Variants in EFEMP2 observed in about 807,000 individuals in gnomAD.
EFEMP2 encodes the protein EGF-like fibulin extracellular matrix protein 2, also known as EGF-containing fibulin-like extracellular matrix protein 2.
EFEMP2 carries 21 observed loss-of-function variants against 55.3 expected under a neutral mutation model. The ratio of observed to expected loss-of-function variants is 0.38; its 90% confidence interval spans 0.27 to 0.55. EFEMP2 has a LOEUF of 0.55. EFEMP2 is among the 20% of genes least tolerant of loss of function. EFEMP2 has a pLI of 0.77. For missense variants in EFEMP2, 513 were observed against 615.1 expected (o/e 0.83, Z 1.76); for synonymous variants, 275 against 242.3 (o/e 1.14, Z -1.25).
intron 10 of EFEMP2, 151 bp from the exon 11 acceptor site, chr11:65,867,230 C>A: frequency 1.2e-6 from 1 of 824,682 alleles, no homozygotes; most frequent in Non-Finnish European, 1.9e-6. Flanking sequence ...CTCTTTGACA[C>A]CCTCGATGTC....
intron 10 of EFEMP2, 137 bp from the exon 11 acceptor site, chr11:65,867,216 G>T: frequency 7.0e-6 from 7 of 996,386 alleles, no homozygotes; most frequent in Non-Finnish European, 1.1e-5. Flanking sequence ...AGCCTCTCAT[G>T]CAGCTCTTTG....
chr11:65,872,005 C>G lies in EFEMP2; in HGVS notation c.125G>C (p.Gly42Ala). Residue 42 changes from glycine (G) to alanine (A), a missense_variant, in exon 3 of 11, where the codon GGC becomes GCC. Gly to Ala is a moderately conservative substitution (Grantham distance 60). Transcript: ENST00000307998. ...EPDSYTECTD[G>A]YEWDPDSQHC... The stretch of plus-strand genomic sequence containing the variant: ...CTGGCTGTCTGGGTCCCACTCATAG[C>G]CATCTGTGCATTCCTGGAAGGGAAC... 6.4e-7 allele frequency: 1 copy of G among 1,551,662 alleles called. No homozygotes were observed.
Position 65,869,880 on chromosome 11 carries a change from T to C in EFEMP2, c.704A>G (p.His235Arg). 1.9e-6 allele frequency: 3 copies of C among 1,614,058 alleles called. No homozygotes were observed. The highest frequency in any genetic ancestry group is 2.2e-5 in the South Asian group (2 of 91,084). Reference protein sequence around the residue: ...LCRCHQGYELHRDGFSCSDID... With the variant: ...LCRCHQGYELRRDGFSCSDID... The stretch of plus-strand genomic sequence containing the variant: ...ACCACTGCAGGAGAAGCCATCCCGA[T>C]GCAGCTCATAGCCCTGGTGGCAGCG... Residue 235 changes from histidine (H) to arginine (R), a missense_variant, in exon 7 of 11, where the codon CAT becomes CGT. Transcript: ENST00000307998.
intron 5 of EFEMP2, 29 bp from the exon 6 acceptor site, chr11:65,870,266 GGAGGGCA>G (rs570696654): frequency 3.8e-6 from 6 of 1,594,358 alleles, no homozygotes; most frequent in South Asian, 2.2e-5. Flanking sequence ...GAAGGAGGGC[GGAGGGCA>G]GAGGGCAGAG....
rs2303384 is a variant in EFEMP2, at chr11:65,872,733, C to T, written c.-58G>A. ...CGCGGCTCTGGCGGCTCGGCTGGCT[C>T]GGGCAATGCCTGCGGGCAGACGGAC... On this transcript the variant is annotated 5_prime_UTR_variant, in exon 1 of 11. Coordinates refer to ENST00000307998, the MANE Select transcript of EFEMP2 (RefSeq NM_016938.5). 231,016 of 346,672 alleles carry T rather than the reference C, an allele frequency of 0.67. 78,680 individuals carry two copies. Among genetic ancestry groups the T allele is most frequent in the South Asian group, 0.82 (41,370 of 50,628 alleles). The allele number at this position is 346,672 out of a possible 1,614,324, so 21.5% of individuals were successfully genotyped here. A position where few individuals can be genotyped will look rare whatever the true frequency, so the allele number is the denominator to read the frequency against.
intron 7 of EFEMP2, chr11:65,869,642 G>C: frequency 3.0e-6 from 2 of 659,190 alleles, no homozygotes; most frequent in South Asian, 1.7e-5. Context: ...AGTCTCACCA[G>C]TAGGCTTCAG....
rs759573856 is a variant in EFEMP2, at chr11:65,868,305, C to A, written c.964G>T (p.Val322Phe). The change falls in exon 9 of 11, where the codon GTC becomes TTC. Residue 322 changes from valine to phenylalanine, a missense_variant. Coordinates refer to ENST00000307998, the MANE Select transcript of EFEMP2 (RefSeq NM_016938.5). ...ATCGAATTGACTCACTTCTCAGAGA[C>A]CTGGATGTAGGGCTCCACGCAGCGG... is the stretch of plus-strand genomic sequence containing the variant. ...TNRCVEPYIQ[V>F]SENRCLCPAS... 1 of 1,613,730 alleles carries A rather than the reference C, an allele frequency of 6.2e-7. No individual in the cohort carries two copies. The highest frequency in any genetic ancestry group is 8.5e-7 in the Non-Finnish European group (1 of 1,180,026).
chr11:65,866,698 TG>T lies in EFEMP2; in HGVS notation c.*219del. The T allele has an allele frequency of 1.4e-6, 1 of 713,998 alleles. No individual in the cohort carries two copies. The highest frequency in any genetic ancestry group is 2.5e-6 in the Non-Finnish European group (1 of 395,292). The allele number at this position is 713,998 out of a possible 1,614,324, so 44.2% of individuals were successfully genotyped here. On this transcript the variant is annotated 3_prime_UTR_variant, in exon 11 of 11. Coordinates refer to ENST00000307998, the MANE Select transcript of EFEMP2 (RefSeq NM_016938.5). ...GTGCAGAGCTCCCAGCTCCTGTCAA[TG>T]GGGGCCCCTGGGCCTGAACATATAG...
chr11:65,868,282 C>G lies in EFEMP2; in HGVS notation c.974+13G>C, dbSNP rs1303048683. 3 of 1,613,450 alleles carry G rather than the reference C, an allele frequency of 1.9e-6. No individual in the cohort carries two copies. The East Asian group carries it at 6.7e-5, about 36-fold the overall frequency. ...CGTAGTTTCTGTGGGGGCCTGGCAT[C>G]GAATTGACTCACTTCTCAGAGACCT... On this transcript the variant is annotated intron_variant, in intron 9 of 10. Coordinates refer to ENST00000307998, the MANE Select transcript of EFEMP2 (RefSeq NM_016938.5).
intron 3 of EFEMP2, 192 bp from the exon 4 acceptor site, chr11:65,871,555 T>G: frequency 1.6e-6 from 1 of 627,198 alleles, no homozygotes; most frequent in Non-Finnish European, 2.8e-6. Flanking sequence ...GGGGCAGCTG[T>G]TCCCACTGTT....
chr11:65,868,202 A>T, intron 9 of EFEMP2, 93 bp downstream of exon 9: 1 of 1,587,686 alleles, frequency 6.3e-7, no homozygotes, highest in Non-Finnish European at 8.6e-7. Flanking sequence ...ATCATCCCTC[A>T]GGGGCACTCG....
Position 65,872,381 on chromosome 11 carries a change from G to A in EFEMP2, c.-7-20C>T, listed in dbSNP as rs1442405638. 6.6e-7 allele frequency: 1 copy of A among 1,509,040 alleles called. No homozygotes were observed. The highest frequency in any genetic ancestry group is 9.0e-7 in the Non-Finnish European group (1 of 1,109,856). The allele number at this position is 1,509,040 out of a possible 1,614,324, so 93.5% of individuals were successfully genotyped here. On this transcript the variant is annotated intron_variant, in intron 1 of 10. Transcript: ENST00000307998. The stretch of plus-strand genomic sequence containing the variant: ...CTGGGGCTGCGAGATGGTGGACACG[G>A]GTCAGGGGCCTCTGCCCGCGGCACC...
At chr11:65,867,471 C>T in intron 10 of EFEMP2, 2 of 427,380 alleles carry the variant, frequency 4.7e-6, no homozygotes, top group South Asian at 4.3e-5. Context: ...CTGCTGAGAC[C>T]CATGCATGCG....
rs78165274 is a variant in EFEMP2, at chr11:65,870,341, C to T, written c.491-104G>A. ...GCTTCACCACCCATAATCCTGTGTC[C>T]GAGGAGCTGAATTAGGCAGGGTCAG... On this transcript the variant is annotated intron_variant, in intron 5 of 10. Transcript: ENST00000307998. 1,153 of 1,429,538 alleles carry T rather than the reference C, an allele frequency of 8.1e-4. 14 individuals are homozygous for T. The East Asian group carries it at 0.016, about 20-fold the overall frequency. 88.6% of individuals were successfully genotyped at this position (1,429,538 alleles called of 1,614,324 possible).
Position 65,866,560 on chromosome 11 carries a change from G to A in EFEMP2, c.*358C>T. ...ACCCAGGGCCTCCTGGCGCTGTCCA[G>A]AGTGGAGTTTCTTAGGACCCCTGCA... On this transcript the variant is annotated 3_prime_UTR_variant, in exon 11 of 11. Transcript: ENST00000307998. 1.4e-6 allele frequency: 1 copy of A among 702,920 alleles called. No homozygotes were observed. The highest frequency in any genetic ancestry group is 1.5e-5 in the South Asian group (1 of 67,586). 43.5% of individuals were successfully genotyped at this position (702,920 alleles called of 1,614,324 possible). A position where few individuals can be genotyped will look rare whatever the true frequency, so the allele number is the denominator to read the frequency against.
intron 4 of EFEMP2, 26 bp downstream of exon 4, chr11:65,871,131 C>G: frequency 6.2e-7 from 1 of 1,613,494 alleles, no homozygotes; most frequent in Non-Finnish European, 8.5e-7. Context: ...GACTGGAAGC[C>G]AGGCACCAGA....
rs772435021 is a variant in EFEMP2 at position 65,866,653 on chromosome 11, C to A, written c.*265G>T. ...CCCTCCTCGTTACCTCCTCTCCTCT[C>A]GGGGTGACTGAAGCTCGTGGTGCAG... On this transcript the variant is annotated 3_prime_UTR_variant, in exon 11 of 11. Transcript: ENST00000307998. 7 of 703,774 alleles carry A rather than the reference C, an allele frequency of 9.9e-6. No homozygotes were observed. The South Asian group carries it at 1.0e-4, about 10-fold the overall frequency. 43.6% of individuals were successfully genotyped at this position (703,774 alleles called of 1,614,324 possible). A position where few individuals can be genotyped will look rare whatever the true frequency, so the allele number is the denominator to read the frequency against.
Position 65,871,496 on chromosome 11 carries a change from A to G in EFEMP2, c.161-133T>C, listed in dbSNP as rs1231538240. On this transcript the variant is annotated intron_variant, in intron 3 of 10. Transcript: ENST00000307998. Reference sequence around the variant, plus strand: ...GCCTTCCCACTCTGCTCAACAAGCTAAGTCTGCCTGCTCAGGACCCCTCCC... The same window carrying G: ...GCCTTCCCACTCTGCTCAACAAGCTGAGTCTGCCTGCTCAGGACCCCTCCC... 9.2e-6 allele frequency: 8 copies of G among 866,394 alleles called. No individual in the cohort carries two copies. In the African/African-American group the frequency reaches 1.3e-4, roughly 14 times the overall value. 53.7% of individuals were successfully genotyped at this position (866,394 alleles called of 1,614,324 possible). A position where few individuals can be genotyped will look rare whatever the true frequency, so the allele number is the denominator to read the frequency against.
intron 7 of EFEMP2, 100 bp from the exon 8 acceptor site, chr11:65,868,729 A>T: frequency 6.6e-7 from 1 of 1,520,194 alleles, no homozygotes; most frequent in Non-Finnish European, 9.0e-7. Context: ...GTTAGACTGA[A>T]TGTAGGAAGA....
Sources: allele counts gnomAD v4.1 joint callset, GRCh38; gene constraint gnomAD v4.1.1; transcripts MANE v1.5; gene names NCBI Gene and HGNC (gene_info 2026-07-23, HGNC 2026-07-21).